The following DLGAP2 variants were observed in gnomAD, a reference collection of about 807,000 sequenced individuals.
The protein encoded by DLGAP2 is disks large-associated protein 2.
DLGAP2 carries 26 observed loss-of-function variants against 100.3 expected under a neutral mutation model. That is an observed-to-expected ratio of 0.26 (90% CI 0.19 to 0.36). The LOEUF (loss-of-function observed/expected upper bound fraction) is 0.36, where lower values mean the gene tolerates loss of function less well. Among genes scored for constraint, DLGAP2 ranks in the 10% least tolerant of loss-of-function variants. DLGAP2 has a pLI of 1.00. For missense variants in DLGAP2, 1,858 were observed against 1,453.2 expected (o/e 1.28, Z -4.53); for synonymous variants, 886 against 630.1 (o/e 1.41, Z -6.08).
chr8:1,620,159 C>A (rs1563260987), intron 6 of DLGAP2, among the ~76,000 whole-genome samples: 1 of 152,174 alleles, frequency 6.6e-6, no homozygotes, highest in African/African-American at 2.4e-5. Context: ...TTAACGTCTG[C>A]GATCTCATTT....
At chr8:1,597,226 ATC>A (rs1796485013) in intron 6 of DLGAP2, among the ~76,000 whole-genome samples, 1 of 151,978 alleles carries the variant, frequency 6.6e-6, no homozygotes, top group Non-Finnish European at 1.5e-5. Flanking sequence ...TGGCCTATGT[ATC>A]TGTTTTGATA....
intron 2 of DLGAP2, among the ~76,000 whole-genome samples, chr8:1,018,203 C>T (rs1236860641): frequency 6.6e-6 from 1 of 152,080 alleles, no homozygotes; most frequent in South Asian, 2.1e-4. Flanking sequence ...CCTATAGGCC[C>T]TCCGTCCTCA....
intron 1 of DLGAP2, among the ~76,000 whole-genome samples, chr8:738,335 G>A (rs1408256052): frequency 6.6e-6 from 1 of 150,852 alleles, no homozygotes; most frequent in African/African-American, 2.4e-5. Flanking sequence ...CGCGCACGGG[G>A]GCTCGCGGGG....
At position 879,177 on chromosome 8, in the gene DLGAP2, G is replaced by A. The variant is rs140949443; in HGVS notation, c.19-28735G>A. Among the ~76,000 whole-genome samples the A allele has an allele frequency of 3.1e-3, 477 of 152,274 alleles. 3 individuals are homozygous for A. The highest frequency in any genetic ancestry group is 0.01 in the African/African-American group (432 of 41,546). ...TTTGTGGATGTGTCAGTTTGGGTTGGACCAGTTTATTCACTGTGATACAAG... is the reference window on the plus strand; with the variant it reads ...TTTGTGGATGTGTCAGTTTGGGTTGAACCAGTTTATTCACTGTGATACAAG... On this transcript the variant is annotated intron_variant, in intron 1 of 14. Coordinates refer to ENST00000637795, the MANE Select transcript of DLGAP2 (RefSeq NM_001346810.2).
chr8:1,593,951 G>A (rs1168386240), intron 6 of DLGAP2, among the ~76,000 whole-genome samples: 1 of 152,216 alleles, frequency 6.6e-6, no homozygotes, highest in Non-Finnish European at 1.5e-5. Context: ...AAGCCTTCCA[G>A]TCTTGGAGCT....
At chr8:1,217,514 G>A (rs911435112) in intron 2 of DLGAP2, among the ~76,000 whole-genome samples, 4 of 152,070 alleles carry the variant, frequency 2.6e-5, no homozygotes, top group African/African-American at 9.7e-5. Context: ...TCTAGTTTTA[G>A]TTCTTTGAGA....
chr8:1,582,400 A>G (rs998794465), intron 6 of DLGAP2, among the ~76,000 whole-genome samples: 2 of 152,102 alleles, frequency 1.3e-5, no homozygotes, highest in African/African-American at 2.4e-5. Context: ...ATCGTAAATG[A>G]TTCTGGCCAG....
intron 2 of DLGAP2, among the ~76,000 whole-genome samples, chr8:1,116,061 T>G (rs572635854): frequency 6.6e-4 from 101 of 152,322 alleles, no homozygotes; most frequent in African/African-American, 2.4e-3. Flanking sequence ...GGGAGGACTT[T>G]CCAGGGGTTC....
At position 1,683,844 on chromosome 8, in the gene DLGAP2, ATATATATATATATGTGTG is replaced by A. The variant is rs1167142253; in HGVS notation, c.2704+5217_2704+5234del. Among the ~76,000 whole-genome samples the A allele has an allele frequency of 1.4e-3, 93 of 67,976 alleles. 1 individual carries two copies. Among genetic ancestry groups the A allele is most frequent in the Non-Finnish European group, 1.7e-3 (70 of 41,754 alleles). 44.6% of individuals were successfully genotyped at this position (67,976 alleles called of 152,430 possible). A position where few individuals can be genotyped will look rare whatever the true frequency, so the allele number is the denominator to read the frequency against. The stretch of plus-strand genomic sequence containing the variant: ...CTTGTCTTTGCTCCACTATATATAT[ATATATATATATATGTGTG>A]TGTGTGTGTGTGTGTGTGTGTGTGT... On this transcript the variant is annotated intron_variant, in intron 12 of 14. Coordinates refer to ENST00000637795, the MANE Select transcript of DLGAP2 (RefSeq NM_001346810.2).
intron 1 of DLGAP2, among the ~76,000 whole-genome samples, chr8:849,783 A>C (rs959419786): frequency 1.1e-4 from 16 of 152,264 alleles, no homozygotes; most frequent in Admixed American, 3.3e-4. Flanking sequence ...TTCTCACTTA[A>C]AAAAGCTAGG....
At chr8:880,599 G>C (rs138993035) in intron 1 of DLGAP2, among the ~76,000 whole-genome samples, 1 of 133,592 alleles carries the variant, frequency 7.5e-6, no homozygotes, top group Non-Finnish European at 1.7e-5. Context: ...CGGGGTGACC[G>C]TCCAGTGTGT....
At chr8:993,787 C>CTTTTTTTTTT (rs534659471) in intron 2 of DLGAP2, among the ~76,000 whole-genome samples, 2 of 64,160 alleles carry the variant, frequency 3.1e-5, no homozygotes, top group Non-Finnish European at 5.5e-5. Flanking sequence ...AACTGATTGG[C>CTTTTTTTTTT]TTTTTTTTTT....
intron 2 of DLGAP2, among the ~76,000 whole-genome samples, chr8:1,133,447 T>G (rs1307536501): frequency 6.6e-6 from 1 of 152,154 alleles, no homozygotes; most frequent in Non-Finnish European, 1.5e-5. Context: ...TATATATTTT[T>G]TGCTTTTAGA....
chr8:1,194,893 C>T (rs34926578), intron 2 of DLGAP2, among the ~76,000 whole-genome samples: 6 of 152,250 alleles, frequency 3.9e-5, no homozygotes, highest in Non-Finnish European at 5.9e-5. Context: ...TTGGTGCTCA[C>T]GCTTTGCTGC....
rs1563146415 is a variant in DLGAP2, at chr8:1,017,519, GCCTCCACT to G, written c.73+109554_73+109561del. Among the ~76,000 whole-genome samples, 129 of 105,112 alleles carry G rather than the reference GCCTCCACT, an allele frequency of 1.2e-3. 18 individuals are homozygous for G. The highest frequency in any genetic ancestry group is 5.1e-3 in the African/African-American group (108 of 21,386). 69.0% of individuals were successfully genotyped at this position (105,112 alleles called of 152,430 possible). A position where few individuals can be genotyped will look rare whatever the true frequency, so the allele number is the denominator to read the frequency against. Reference sequence around the variant, plus strand: ...CACTGTGTGTGTGACCAGGACAGACGCCTCCACTGTGTGTGACCAGGACAGACGATGCC... The same window carrying G: ...CACTGTGTGTGTGACCAGGACAGACGGTGTGTGACCAGGACAGACGATGCC... On this transcript the variant is annotated intron_variant, in intron 2 of 14. Coordinates refer to ENST00000637795, the MANE Select transcript of DLGAP2 (RefSeq NM_001346810.2).
At chr8:1,673,968 C>G (rs1309428097) in intron 10 of DLGAP2, among the ~76,000 whole-genome samples, 1 of 152,106 alleles carries the variant, frequency 6.6e-6, no homozygotes, top group Non-Finnish European at 1.5e-5. Flanking sequence ...TTGTGCATGC[C>G]CCTGGTCATT....
At chr8:1,185,522 T>G (rs1018558862) in intron 2 of DLGAP2, among the ~76,000 whole-genome samples, 1 of 152,264 alleles carries the variant, frequency 6.6e-6, no homozygotes, top group African/African-American at 2.4e-5. Context: ...ATCAAGCTCC[T>G]AGGAACCGTC....
intron 6 of DLGAP2, among the ~76,000 whole-genome samples, chr8:1,583,058 T>G (rs6558484): frequency 6.6e-6 from 1 of 151,964 alleles, no homozygotes; most frequent in Admixed American, 6.6e-5. Context: ...GTGAATCTTA[T>G]GAAACAATGG....
At chr8:1,010,689 A>T (rs1801255255) in intron 2 of DLGAP2, among the ~76,000 whole-genome samples, 1 of 152,248 alleles carries the variant, frequency 6.6e-6, no homozygotes, top group Non-Finnish European at 1.5e-5. Context: ...TCATTTCAGG[A>T]ACCTAAGAAT....
Sources: gnomAD v4.1 joint callset for allele counts (sites outside exome capture counted in the v4.1 genomes callset) on GRCh38, gnomAD v4.1.1 for gene constraint, MANE v1.5 for transcripts, NCBI Gene and HGNC (gene_info 2026-07-23, HGNC 2026-07-21) for gene names.